The following DAPK2 variants were observed in gnomAD, a reference collection of about 807,000 sequenced individuals.
The protein encoded by DAPK2 is death-associated protein kinase 2.
A neutral mutation model predicts 44.1 loss-of-function variants in DAPK2; 35 were observed. The ratio of observed to expected loss-of-function variants is 0.79; its 90% CI spans 0.61 to 1.05. The LOEUF is 1.05. Ranked by LOEUF, DAPK2 falls within the 50% of genes least tolerant of loss-of-function variation. The probability of loss-of-function intolerance (pLI) is 0.00; values close to 1 mark genes in which losing one functional copy is unlikely to be tolerated. For missense variants in DAPK2, 453 were observed against 483.2 expected, an observed-to-expected ratio of 0.94 and a Z score of 0.59; for synonymous variants, 174 against 182.6, an observed-to-expected ratio of 0.95 and a Z score of 0.38.
chr15:63,994,748 C>A (rs8029895), intron 1 of DAPK2, among the ~76,000 whole-genome samples: 1 of 152,032 alleles, frequency 6.6e-6, no homozygotes, highest in South Asian at 2.1e-4. Context: ...CGCCACCATG[C>A]CTGGCTAATT....
At chr15:63,951,220 A>C (rs2077577110) in intron 3 of DAPK2, among the ~76,000 whole-genome samples, 1 of 152,190 alleles carries the variant, frequency 6.6e-6, no homozygotes, top group African/African-American at 2.4e-5. Context: ...GAGGAAGGAC[A>C]TACCATTACT....
At chr15:64,024,831 C>T (rs2079792076) in intron 1 of DAPK2, among the ~76,000 whole-genome samples, 1 of 152,214 alleles carries the variant, frequency 6.6e-6, no homozygotes, top group Non-Finnish European at 1.5e-5. Context: ...CTAAATAAAC[C>T]TCACCCCAAT....
intron 4 of DAPK2, chr15:63,932,520 A>G (rs920864383): frequency 3.4e-5 from 5 of 149,170 alleles, no homozygotes; most frequent in African/African-American, 1.2e-4. Context: ...AGGTAAGAGT[A>G]TAGATGACAC....
At chr15:63,968,893 A>G (rs1347645770) in intron 3 of DAPK2, among the ~76,000 whole-genome samples, 2 of 152,220 alleles carry the variant, frequency 1.3e-5, no homozygotes, top group Non-Finnish European at 2.9e-5. Context: ...AAGACAAAGG[A>G]GCCCATTTTG....
At position 63,930,467 on chromosome 15, in the gene DAPK2, C is replaced by T. The variant is rs1348405138; in HGVS notation, c.584-12G>A. Reference sequence around the variant, plus strand: ...CACAATTTCTGGAGCTGAAAGAAGTCATATTAAATAGTCAACATGAGTGTG... The same window carrying T: ...CACAATTTCTGGAGCTGAAAGAAGTTATATTAAATAGTCAACATGAGTGTG... On this transcript the variant is annotated splice_polypyrimidine_tract_variant and intron_variant, in intron 4 of 10. Transcript: ENST00000261891. 9 of 1,613,862 alleles carry T rather than the reference C, an allele frequency of 5.6e-6. No individual in the cohort carries two copies. The highest frequency in any genetic ancestry group is 7.6e-6 in the Non-Finnish European group (9 of 1,179,780).
At chr15:63,933,357 C>T (rs1301065283) in intron 4 of DAPK2, among the ~76,000 whole-genome samples, 3 of 152,208 alleles carry the variant, frequency 2.0e-5, no homozygotes, top group East Asian at 1.9e-4. Context: ...GATTCTCCTG[C>T]CTCAGCCTCC....
chr15:63,985,816 G>A (rs531110176), intron 1 of DAPK2, among the ~76,000 whole-genome samples: 4 of 152,318 alleles, frequency 2.6e-5, no homozygotes, highest in Admixed American at 2.6e-4. Context: ...GAGGGAAACA[G>A]TGGCATTTTT....
At chr15:64,005,477 G>A (rs2079201384) in intron 1 of DAPK2, among the ~76,000 whole-genome samples, 1 of 151,766 alleles carries the variant, frequency 6.6e-6, no homozygotes, top group African/African-American at 2.4e-5. Flanking sequence ...TGCAGGTGCT[G>A]GAGAAGATGT....
rs372955395 is a variant in DAPK2, at chr15:63,939,878, C to T, written c.454-517G>A. 1.4e-4 allele frequency among the ~76,000 whole-genome samples: 22 copies of T among 152,356 alleles called. 1 individual carries two copies. In the East Asian group the frequency reaches 2.9e-3, roughly 20 times the overall value. ...GTTGACAACATTCCCCTCCTCTAGA[C>T]TCACTGTGTAGCCCACACTTCTCTC... On this transcript the variant is annotated intron_variant, in intron 3 of 10. Transcript: ENST00000261891. This position sits in a 1 kb window ranked among gnomAD's most constrained non-coding sequence, Gnocchi z 4.3.
intron 3 of DAPK2, chr15:63,942,347 T>C (rs1567221653): frequency 1.8e-6 from 1 of 547,988 alleles, no homozygotes; most frequent in Non-Finnish European, 2.3e-6. Context: ...AGGTCAGGCG[T>C]TCGAGACCAG....
At chr15:64,040,146 C>T (rs200298710) in intron 1 of DAPK2, 24 bp downstream of exon 2, 2 of 1,594,426 alleles carry the variant, frequency 1.3e-6, no homozygotes, top group East Asian at 2.2e-5. Context: ...TCGGCATCCC[C>T]CCACCTCTCA....
chr15:64,026,733 T>A (rs2079858002), intron 1 of DAPK2, among the ~76,000 whole-genome samples: 1 of 152,182 alleles, frequency 6.6e-6, no homozygotes, highest in Non-Finnish European at 1.5e-5. Flanking sequence ...AGCAGACCCC[T>A]TGGCAGGAGT....
At chr15:63,969,333 T>C (rs1244053311) in intron 3 of DAPK2, among the ~76,000 whole-genome samples, 1 of 152,016 alleles carries the variant, frequency 6.6e-6, no homozygotes, top group Non-Finnish European at 1.5e-5. Context: ...GGTGGGAGGA[T>C]TACCTGAGCC....
At chr15:64,018,146 T>A (rs1285732508) in intron 1 of DAPK2, among the ~76,000 whole-genome samples, 1 of 152,136 alleles carries the variant, frequency 6.6e-6, no homozygotes, top group East Asian at 1.9e-4. Flanking sequence ...AAATCCAACT[T>A]TGATGAAACC....
intron 1 of DAPK2, among the ~76,000 whole-genome samples, chr15:64,001,951 G>T (rs2079095964): frequency 6.6e-6 from 1 of 152,172 alleles, no homozygotes; most frequent in Non-Finnish European, 1.5e-5. Flanking sequence ...CTTGGTAAAG[G>T]CAGTATTATG....
intron 2 of DAPK2, among the ~76,000 whole-genome samples, chr15:63,975,314 C>T (rs2078313597): frequency 6.6e-6 from 1 of 152,122 alleles, no homozygotes; most frequent in Non-Finnish European, 1.5e-5. Context: ...GCAGTGAGGC[C>T]TTAAAACCTG....
rs147722408 is a variant in DAPK2 at position 63,908,217 on chromosome 15, C to A, written c.*303G>T. On this transcript the variant is annotated 3_prime_UTR_variant, in exon 11 of 11. Transcript: ENST00000261891. The surrounding 1 kb of genome is among the most constrained non-coding windows in gnomAD (Gnocchi z 5.7). ...CTTCACCCCGTGATGATGAGGATGT[C>A]CTTTATATTGTTTTCCTAAGTCCAC... is the stretch of plus-strand genomic sequence containing the variant. The A allele has an allele frequency of 1.3e-3, 319 of 241,396 alleles. 8 individuals carry two copies. In the East Asian group the frequency reaches 0.024, roughly 18 times the overall value. 15.0% of individuals were successfully genotyped at this position (241,396 alleles called of 1,614,324 possible). A position where few individuals can be genotyped will look rare whatever the true frequency, so the allele number is the denominator to read the frequency against.
intron 3 of DAPK2, among the ~76,000 whole-genome samples, chr15:63,960,714 G>A (rs2077875757): frequency 6.6e-6 from 1 of 152,208 alleles, no homozygotes; most frequent in Non-Finnish European, 1.5e-5. Context: ...TGGTCTGAGA[G>A]ACAGTTATAA....
At chr15:63,993,697 T>C (rs2078875945) in intron 1 of DAPK2, among the ~76,000 whole-genome samples, 2 of 152,088 alleles carry the variant, frequency 1.3e-5, no homozygotes, top group African/African-American at 4.8e-5. Flanking sequence ...AGTACAGGGT[T>C]AGGGGTCCTG....
Sources: allele counts gnomAD v4.1 joint callset (sites outside exome capture counted in the v4.1 genomes callset), GRCh38; gene constraint gnomAD v4.1.1; non-coding constraint Gnocchi (gnomAD v3.1); transcripts MANE v1.5; gene names NCBI Gene and HGNC (gene_info 2026-07-23, HGNC 2026-07-21).